The following NR1H4 variants were observed in gnomAD, a reference collection of about 807,000 sequenced individuals.
NR1H4 encodes bile acid receptor.
NR1H4 carries 23 observed loss-of-function variants against 58.5 expected under a neutral mutation model. That is an observed-to-expected ratio of 0.39 (90% CI 0.28 to 0.56). The LOEUF (loss-of-function observed/expected upper bound fraction) is 0.56. NR1H4 is among the 20% of genes least tolerant of loss of function. NR1H4 has a pLI of 0.58. For missense variants in NR1H4, 487 were observed against 576.9 expected, an observed-to-expected ratio of 0.84 and a Z score of 1.60; for synonymous variants, 214 against 198.0, an observed-to-expected ratio of 1.08 and a Z score of -0.68.
intron 1 of NR1H4, among the ~76,000 whole-genome samples, chr12:100,482,588 C>T (rs1253378485): frequency 6.6e-6 from 1 of 152,064 alleles, no homozygotes; most frequent in Non-Finnish European, 1.5e-5. Context: ...TAATGGGAGA[C>T]ACAGAAAACC....
intron 9 of NR1H4, among the ~76,000 whole-genome samples, chr12:100,545,094 T>C (rs1955028764): frequency 6.6e-6 from 1 of 152,140 alleles, no homozygotes; most frequent in African/African-American, 2.4e-5. Flanking sequence ...TTTCTTTCTC[T>C]GTCTCTTTTT....
Position 100,540,636 on chromosome 12 carries a change from C to G in NR1H4, c.932-36C>G, listed in dbSNP as rs1566467822. On this transcript the variant is annotated intron_variant, in intron 8 of 10. Coordinates refer to ENST00000392986, the MANE Select transcript of NR1H4 (RefSeq NM_001206979.2). Reference sequence around the variant, plus strand: ...TGATGGTGATCATGAAATATTGTTACTCCTTGATACCAATTTGATTATCAT... The same window carrying G: ...TGATGGTGATCATGAAATATTGTTAGTCCTTGATACCAATTTGATTATCAT... 4 of 1,602,998 alleles carry G rather than the reference C, an allele frequency of 2.5e-6. No homozygotes were observed. In the Middle Eastern group the frequency reaches 5.0e-4, roughly 199 times the overall value.
chr12:100,519,659 G>A (rs537292289), intron 4 of NR1H4, among the ~76,000 whole-genome samples: 1 of 152,140 alleles, frequency 6.6e-6, no homozygotes, highest in African/African-American at 2.4e-5. Context: ...AACCCTGGGG[G>A]TTTCTCCAGT....
intron 4 of NR1H4, among the ~76,000 whole-genome samples, chr12:100,514,580 A>G (rs1388272028): frequency 6.6e-6 from 1 of 152,150 alleles, no homozygotes; most frequent in Non-Finnish European, 1.5e-5. Flanking sequence ...TGACAACCAA[A>G]AGTGTCTACA....
chr12:100,475,467 C>A (rs1953248793), intron 1 of NR1H4, among the ~76,000 whole-genome samples: 1 of 152,154 alleles, frequency 6.6e-6, no homozygotes, highest in African/African-American at 2.4e-5. Context: ...CACCACGTAC[C>A]TCTGCCCTCT....
chr12:100,559,904 A>G (rs1206812010), intron 9 of NR1H4, among the ~76,000 whole-genome samples: 2 of 152,144 alleles, frequency 1.3e-5, no homozygotes, highest in Non-Finnish European at 2.9e-5. Flanking sequence ...AAACACACCA[A>G]TCAGCACCCT....
chr12:100,513,218 A>G (rs1954168473), intron 4 of NR1H4, among the ~76,000 whole-genome samples: 2 of 152,356 alleles, frequency 1.3e-5, no homozygotes, highest in South Asian at 4.1e-4. Flanking sequence ...TGCCTGGTAC[A>G]TAGTAAATAT....
chr12:100,475,124 CCTAT>C (rs10629376), intron 1 of NR1H4, among the ~76,000 whole-genome samples: 2,451 of 143,184 alleles, frequency 0.017, 26 homozygotes, highest in African/African-American at 0.034. Flanking sequence ...AAGTGGTTTA[CCTAT>C]CTATCTATCT....
intron 9 of NR1H4, among the ~76,000 whole-genome samples, chr12:100,544,176 C>T (rs1417962408): frequency 6.8e-6 from 1 of 146,232 alleles, no homozygotes; most frequent in African/African-American, 2.6e-5. Flanking sequence ...GGCGTGAACC[C>T]AGGAGGTGGA....
intron 4 of NR1H4, 45 bp downstream of exon 4, chr12:100,511,188 ATTGGTTGT>A: frequency 6.2e-7 from 1 of 1,613,534 alleles, no homozygotes; most frequent in Non-Finnish European, 8.5e-7. Context: ...GTTTTACTAT[ATTGGTTGT>A]TGAAATCCCT....
At chr12:100,504,092 C>A (rs182955215) in intron 3 of NR1H4, among the ~76,000 whole-genome samples, 2 of 151,982 alleles carry the variant, frequency 1.3e-5, no homozygotes, top group African/African-American at 2.4e-5. Context: ...TTGGGAAACA[C>A]GAATTAATGA....
At chr12:100,527,272 A>T (rs1425093589) in intron 4 of NR1H4, among the ~76,000 whole-genome samples, 2 of 152,244 alleles carry the variant, frequency 1.3e-5, no homozygotes, top group Non-Finnish European at 2.9e-5. Context: ...TCATGCCTGT[A>T]ATCCCAACAG....
chr12:100,541,180 T>C (rs1307648059), intron 9 of NR1H4, among the ~76,000 whole-genome samples: 1 of 152,238 alleles, frequency 6.6e-6, no homozygotes, highest in Non-Finnish European at 1.5e-5. Flanking sequence ...AGACTAAGTA[T>C]CCAGCTATTA....
At chr12:100,518,977 G>A (rs1465068711) in intron 4 of NR1H4, among the ~76,000 whole-genome samples, 3 of 151,798 alleles carry the variant, frequency 2.0e-5, no homozygotes, top group South Asian at 2.1e-4. Flanking sequence ...TAGTAGAGAC[G>A]GGGTTTCACC....
In NR1H4 at chr12:100,564,333, T is replaced by C. The variant is rs1462335436; in HGVS notation, c.*844T>C. Reference sequence around the variant, plus strand: ...TTCCCCCAAAGCAGGAATTAGTTCATTTCCTTCCTTCATTGTTACACTGTT... The same window carrying C: ...TTCCCCCAAAGCAGGAATTAGTTCACTTCCTTCCTTCATTGTTACACTGTT... On this transcript the variant is annotated 3_prime_UTR_variant, in exon 11 of 11. Transcript: ENST00000392986. 1 of 152,228 alleles carries C rather than the reference T, an allele frequency of 6.6e-6. No individual in the cohort carries two copies. The highest frequency in any genetic ancestry group is 1.5e-5 in the Non-Finnish European group (1 of 68,056). The allele number at this position is 152,228 out of a possible 1,614,324, so 9.4% of individuals were successfully genotyped here.
chr12:100,533,890 C>CTTTTTTTTTTTTTTTTTTTTTTT (rs758465149), intron 5 of NR1H4, among the ~76,000 whole-genome samples: 1 of 143,400 alleles, frequency 7.0e-6, no homozygotes, highest in African/African-American at 2.6e-5. Flanking sequence ...TAATAGCTCT[C>CTTTTTTTTTTTTTTTTTTTTTTT]TTTTTTTTTT....
chr12:100,505,967 C>T (rs1953951538), intron 3 of NR1H4: 1 of 229,162 alleles, frequency 4.4e-6, no homozygotes, highest in Admixed American at 5.4e-5. Context: ...ATGTTCAGAC[C>T]CTAACACAGT....
At chr12:100,557,570 A>G (rs1056842182) in intron 9 of NR1H4, among the ~76,000 whole-genome samples, 12 of 152,326 alleles carry the variant, frequency 7.9e-5, no homozygotes, top group African/African-American at 2.9e-4. Flanking sequence ...ATTGTACCCA[A>G]TAGGTAATCT....
At chr12:100,525,639 G>T (rs974843763) in intron 4 of NR1H4, among the ~76,000 whole-genome samples, 2 of 152,182 alleles carry the variant, frequency 1.3e-5, no homozygotes, top group African/African-American at 2.4e-5. Flanking sequence ...TTAGGGTAAT[G>T]CTGGCCTCAT....
Sources: allele counts gnomAD v4.1 joint callset (sites outside exome capture counted in the v4.1 genomes callset), GRCh38; gene constraint gnomAD v4.1.1; transcripts MANE v1.5; gene names NCBI Gene and HGNC (gene_info 2026-07-23, HGNC 2026-07-21).